The following ARHGEF11 variants were observed in gnomAD, a reference collection of about 807,000 sequenced individuals.
ARHGEF11 encodes the protein Rho guanine nucleotide exchange factor 11, also known as Rho guanine exchange factor (GEF) 11.
In ARHGEF11, 55 loss-of-function variants were observed where a neutral mutation model predicts 193.7. That is an observed-to-expected ratio of 0.28 (90% confidence interval 0.23 to 0.36). The LOEUF is 0.36. Ranked by LOEUF, ARHGEF11 falls within the 10% of genes least tolerant of loss-of-function variation. ARHGEF11 has a pLI of 1.00. For synonymous variants in ARHGEF11, 693 were observed against 768.0 expected (o/e 0.90, Z 1.62); for missense variants, 1,723 against 2,005.6 (o/e 0.86, Z 2.69).
chr1:157,037,136 A>G (rs982213784), intron 1 of ARHGEF11, among the ~76,000 whole-genome samples: 5 of 152,082 alleles, frequency 3.3e-5, no homozygotes, highest in Admixed American at 6.6e-5. Flanking sequence ...CTCAAAATAA[A>G]TAAATAAATA....
rs78820981 is a variant in ARHGEF11 at position 157,031,090 on chromosome 1, A to T, written c.32+13209T>A. Among the ~76,000 whole-genome samples, 112 of 152,250 alleles carry T rather than the reference A, an allele frequency of 7.4e-4. 1 individual carries two copies. In the East Asian group the frequency reaches 0.018, roughly 25 times the overall value. Reference sequence around the variant, plus strand: ...CATTTATATGATGGATCACAATAATAATAATTTTAAACACTTGCTTGTTGT... The same window carrying T: ...CATTTATATGATGGATCACAATAATTATAATTTTAAACACTTGCTTGTTGT... On this transcript the variant is annotated intron_variant, in intron 1 of 40. Coordinates refer to ENST00000368194, the MANE Select transcript of ARHGEF11 (RefSeq NM_198236.3).
chr1:157,043,310 G>A (rs923405425), intron 1 of ARHGEF11, among the ~76,000 whole-genome samples: 2 of 152,112 alleles, frequency 1.3e-5, no homozygotes, highest in African/African-American at 2.4e-5. Flanking sequence ...ATCCAGTTAG[G>A]ATGTGTGCAG....
In ARHGEF11 at chr1:156,951,637, G is replaced by A. The variant is rs368035698; in HGVS notation, c.1861C>T (p.Pro621Ser). 3.7e-6 allele frequency: 6 copies of A among 1,614,044 alleles called. No individual in the cohort carries two copies. The highest frequency in any genetic ancestry group is 1.3e-5 in the African/African-American group (1 of 74,902). Residue 621 changes from proline to serine, a missense_variant, in exon 22 of 41, where the codon CCA (proline) becomes TCA (serine). By Grantham distance (74) the Pro-to-Ser change is moderately conservative. Transcript: ENST00000368194. ...GAGAGTCGTTGTGTCCCAGGTTCTG[G>A]GGCATCATACTGCTGGTTGTTCTCA... is the stretch of plus-strand genomic sequence containing the variant. ...HFENNQQYDAPEPGTQRLSTG... is the reference protein window; with the variant it reads ...HFENNQQYDASEPGTQRLSTG...
intron 1 of ARHGEF11, among the ~76,000 whole-genome samples, chr1:156,993,547 G>A (rs774740195): frequency 6.6e-6 from 1 of 152,130 alleles, no homozygotes; most frequent in African/African-American, 2.4e-5. Flanking sequence ...CTAAAGACAA[G>A]AGCAGTAAAC....
In ARHGEF11 at chr1:156,960,467, A is replaced by C; in HGVS notation, c.1240-7T>G. ...GGATCTTCACTCTCAGAGGCTAAAA[A>C]ACAGAAGTGTGGAGCAGAAGCAGTC... is the stretch of plus-strand genomic sequence containing the variant. On this transcript the variant is annotated splice_polypyrimidine_tract_variant and splice_region_variant and intron_variant, in intron 14 of 40. Transcript: ENST00000368194. The C allele has an allele frequency of 1.2e-6, 2 of 1,614,080 alleles. No homozygotes were observed. The highest frequency in any genetic ancestry group is 1.7e-6 in the Non-Finnish European group (2 of 1,180,016).
intron 1 of ARHGEF11, among the ~76,000 whole-genome samples, chr1:157,037,320 C>CTA (rs998437804): frequency 1.3e-5 from 2 of 152,128 alleles, no homozygotes; most frequent in Non-Finnish European, 2.9e-5. Context: ...CTCTTCTGCT[C>CTA]TATATATTAA....
At chr1:157,046,242 C>T (rs1397585237), upstream of ARHGEF11, among the ~76,000 whole-genome samples, 1 of 151,438 alleles carries the variant, frequency 6.6e-6, no homozygotes, top group Non-Finnish European at 1.5e-5. Flanking sequence ...CCGCCACCGC[C>T]ACCGCCACCC....
chr1:156,979,299 C>T lies in ARHGEF11; in HGVS notation c.274-13G>A, dbSNP rs1318976710. The T allele has an allele frequency of 1.3e-6, 2 of 1,599,406 alleles. No individual in the cohort carries two copies. Among genetic ancestry groups the T allele is most frequent in the African/African-American group, 1.4e-5 (1 of 73,752 alleles). ...TGGTGCCGTTGACCTGTTGGAGGGA[C>T]AAACAGTATTGAGTAATGGTAATGA... On this transcript the variant is annotated splice_polypyrimidine_tract_variant and intron_variant, in intron 4 of 40. Coordinates refer to ENST00000368194, the MANE Select transcript of ARHGEF11 (RefSeq NM_198236.3).
Position 156,959,102 on chromosome 1 carries a change from G to A in ARHGEF11, c.1323C>T (p.Leu441=). Residue 441 remains leucine, a synonymous_variant, in exon 16 of 41, where the codon CTC becomes CTT. Transcript: ENST00000368194. ...GCATGGCTGCCTCTTGAGCTTCACA[G>A]AGAACACCACGGGCATCTTCGCTGT... ...LRNSEDARGV[L]CEAQEAAMPE... 6.2e-7 allele frequency: 1 copy of A among 1,614,242 alleles called. No individual in the cohort carries two copies. Among genetic ancestry groups the A allele is most frequent in the Non-Finnish European group, 8.5e-7 (1 of 1,180,040 alleles).
At position 157,000,026 on chromosome 1, in the gene ARHGEF11, C is replaced by T. The variant is rs137964600; in HGVS notation, c.33-13853G>A. Among the ~76,000 whole-genome samples the T allele has an allele frequency of 1.1e-4, 17 of 152,326 alleles. No individual in the cohort carries two copies. The East Asian group carries it at 2.3e-3, about 21-fold the overall frequency. On this transcript the variant is annotated intron_variant, in intron 1 of 40. Coordinates refer to ENST00000368194, the MANE Select transcript of ARHGEF11 (RefSeq NM_198236.3). ...TCACACAGGCTGGAGTGCAGTGGTG[C>T]GATCTCAGCTCACTGCAACCTTCGC...
Position 156,956,526 on chromosome 1 carries a change from T to C in ARHGEF11, c.1565A>G (p.His522Arg). 6.2e-7 allele frequency: 1 copy of C among 1,614,148 alleles called. No individual in the cohort carries two copies. Among genetic ancestry groups the C allele is most frequent in the Non-Finnish European group, 8.5e-7 (1 of 1,180,020 alleles). ...TGCCTCTCGAAGACGGATCCCAGCA[T>C]GGCTCATGTAGGTATTGAGGGCGAA... ...MDFALNTYMS[H>R]AGIRLREARP... is the part of the protein sequence containing the mutation. Residue 522 changes from histidine to arginine, a missense_variant, in exon 19 of 41, where the codon CAT (histidine) becomes CGT (arginine). Physicochemically the swap from His to Arg is conservative, Grantham distance 29 (BLOSUM62 0). Coordinates refer to ENST00000368194, the MANE Select transcript of ARHGEF11 (RefSeq NM_198236.3).
Position 156,971,824 on chromosome 1 carries a change from T to C in ARHGEF11, c.583-8A>G, listed in dbSNP as rs1431019983. 6.2e-7 allele frequency: 1 copy of C among 1,610,198 alleles called. No individual in the cohort carries two copies. The highest frequency in any genetic ancestry group is 1.7e-5 in the Admixed American group (1 of 59,944). On this transcript the variant is annotated splice_polypyrimidine_tract_variant and splice_region_variant and intron_variant, in intron 7 of 40. Coordinates refer to ENST00000368194, the MANE Select transcript of ARHGEF11 (RefSeq NM_198236.3). ...ATAGACCTCACAGATACGCTAGGGA[T>C]GGGTGAGGAGGAGAAGGGGGAGGGG...
At chr1:156,985,040 A>G (rs1194556577) in intron 2 of ARHGEF11, among the ~76,000 whole-genome samples, 1 of 151,952 alleles carries the variant, frequency 6.6e-6, no homozygotes, top group African/African-American at 2.4e-5. Flanking sequence ...AAAATACAGA[A>G]TTAAAAAACA....
intron 7 of ARHGEF11, among the ~76,000 whole-genome samples, chr1:156,974,070 C>G (rs529166769): frequency 6.6e-6 from 1 of 151,684 alleles, no homozygotes; most frequent in Non-Finnish European, 1.5e-5. Flanking sequence ...TTTTCTTTTT[C>G]TTTTTCTTTT....
rs571377501 is a variant in ARHGEF11 at position 156,990,132 on chromosome 1, C to A, written c.33-3959G>T. The stretch of plus-strand genomic sequence containing the variant: ...CGAATTATACTTACGTCCTGTCTCT[C>A]AGATTAATTTGATCTAGAACTCTCC... On this transcript the variant is annotated intron_variant, in intron 1 of 40. Transcript: ENST00000368194. Among the ~76,000 whole-genome samples, 7 of 152,348 alleles carry A rather than the reference C, an allele frequency of 4.6e-5. No individual in the cohort carries two copies. In the East Asian group the frequency reaches 1.3e-3, roughly 29 times the overall value.
intron 1 of ARHGEF11, among the ~76,000 whole-genome samples, chr1:157,024,153 C>T (rs1222601866): frequency 6.6e-6 from 1 of 152,136 alleles, no homozygotes; most frequent in Non-Finnish European, 1.5e-5. Flanking sequence ...TTTAAAGTAT[C>T]GTGCTAAGTG....
At chr1:156,975,655 AAAAT>A (rs1355505577) in intron 7 of ARHGEF11, among the ~76,000 whole-genome samples, 1 of 152,224 alleles carries the variant, frequency 6.6e-6, no homozygotes, top group Non-Finnish European at 1.5e-5. Flanking sequence ...ACTCCCACCT[AAAAT>A]TTTTTCTAGG....
chr1:156,939,797 C>T lies in ARHGEF11; in HGVS notation c.3847G>A (p.Val1283Ile), dbSNP rs111558417. ...CCTGGGTCCCAGGGGTGAGAGGTGA[C>T]GCTGATGACAGAAGGTGTGGGTGTC... ...DLTPTPSVIS[V>I]TSHPWDPGSP... The change falls in exon 37 of 41, where the codon GTC (valine) becomes ATC (isoleucine). Residue 1283 changes from valine to isoleucine, a missense_variant. Val to Ile is a conservative substitution (Grantham distance 29, BLOSUM62 3). Coordinates refer to ENST00000368194, the MANE Select transcript of ARHGEF11 (RefSeq NM_198236.3). 55 of 1,613,658 alleles carry T rather than the reference C, an allele frequency of 3.4e-5. No homozygotes were observed. The highest frequency in any genetic ancestry group is 1.9e-4 in the African/African-American group (14 of 74,924).
At chr1:157,027,096 T>C (rs1670736785) in intron 1 of ARHGEF11, among the ~76,000 whole-genome samples, 1 of 152,174 alleles carries the variant, frequency 6.6e-6, no homozygotes, top group Admixed American at 6.5e-5. Flanking sequence ...GAGTACTGTC[T>C]AGGCTGGCTG....
Sources: gnomAD v4.1 joint callset for allele counts (sites outside exome capture counted in the v4.1 genomes callset) on GRCh38, gnomAD v4.1.1 for gene constraint, MANE v1.5 for transcripts, NCBI Gene and HGNC (gene_info 2026-07-23, HGNC 2026-07-21) for gene names.